ACER3: variants seen among roughly 807,000 people sequenced by gnomAD.
ACER3 encodes alkaline ceramidase 3.
ACER3 carries 16 observed loss-of-function variants against 48.9 expected under a neutral mutation model. The ratio of observed to expected loss-of-function variants is 0.33; its 90% confidence interval spans 0.22 to 0.50. The LOEUF is 0.50. ACER3 is among the 20% of genes least tolerant of loss of function. The pLI, the probability that ACER3 is intolerant of heterozygous loss-of-function variation, is 0.98. For synonymous variants in ACER3, 109 were observed against 107.8 expected, an observed-to-expected ratio of 1.01 and a Z score of -0.07; for missense variants, 227 against 326.0, an observed-to-expected ratio of 0.70 and a Z score of 2.34.
intron 1 of ACER3, among the ~76,000 whole-genome samples, chr11:76,916,239 CT>C (rs1946526511): frequency 6.6e-6 from 1 of 152,166 alleles, no homozygotes; most frequent in African/African-American, 2.4e-5. Flanking sequence ...TACATCATAA[CT>C]GAACCACATC....
At chr11:76,864,899 G>A (rs1945035468) in intron 1 of ACER3, among the ~76,000 whole-genome samples, 1 of 144,490 alleles carries the variant, frequency 6.9e-6, no homozygotes, top group Non-Finnish European at 1.5e-5. Context: ...ATGCCCAGTT[G>A]TCTTTTTTCT....
At chr11:76,936,178 CAA>C (rs888369864) in intron 2 of ACER3, among the ~76,000 whole-genome samples, 2 of 152,084 alleles carry the variant, frequency 1.3e-5, no homozygotes, top group Non-Finnish European at 2.9e-5. Context: ...TGGTGGCAGG[CAA>C]AGAGTAGATT....
At chr11:76,929,650 C>A (rs1234519797) in intron 2 of ACER3, among the ~76,000 whole-genome samples, 1 of 152,158 alleles carries the variant, frequency 6.6e-6, no homozygotes, top group Non-Finnish European at 1.5e-5. Flanking sequence ...GTACCTAATA[C>A]CTAATTTATT....
intron 1 of ACER3, among the ~76,000 whole-genome samples, chr11:76,886,301 C>A (rs1189318501): frequency 1.3e-5 from 2 of 152,132 alleles, no homozygotes; most frequent in Non-Finnish European, 2.9e-5. Context: ...GGCAAGAAGG[C>A]AAGTAATTAG....
intron 1 of ACER3, among the ~76,000 whole-genome samples, chr11:76,884,353 A>G (rs1310239944): frequency 1.3e-5 from 2 of 152,160 alleles, no homozygotes; most frequent in Admixed American, 6.5e-5. Flanking sequence ...TAGTTGTTCA[A>G]TGCCTGAAAA....
In ACER3 at chr11:77,023,212, T is replaced by C; in HGVS notation, c.*2885T>C. ...CTACAAATGAGAACCCAAATAGTAGTGTTTTGTTTGACAGAAGTAAATCAA... is the reference window on the plus strand; with the variant it reads ...CTACAAATGAGAACCCAAATAGTAGCGTTTTGTTTGACAGAAGTAAATCAA... On this transcript the variant is annotated 3_prime_UTR_variant, in exon 11 of 11. Transcript: ENST00000532485. 1 of 398,498 alleles carries C rather than the reference T, an allele frequency of 2.5e-6. No homozygotes were observed. Among genetic ancestry groups the C allele is most frequent in the Non-Finnish European group, 4.4e-6 (1 of 225,978 alleles). 24.7% of individuals were successfully genotyped at this position (398,498 alleles called of 1,614,324 possible).
intron 1 of ACER3, among the ~76,000 whole-genome samples, chr11:76,908,749 C>T (rs1307661956): frequency 2.0e-5 from 3 of 152,076 alleles, no homozygotes; most frequent in Non-Finnish European, 2.9e-5. Flanking sequence ...TGACTTTCTT[C>T]ACAGAATTAG....
chr11:76,922,075 T>C (rs1946698126), intron 1 of ACER3, among the ~76,000 whole-genome samples: 1 of 152,104 alleles, frequency 6.6e-6, no homozygotes, highest in Non-Finnish European at 1.5e-5. Context: ...CTCTGAATAC[T>C]AGTATATTGA....
chr11:76,929,557 C>G (rs1043827862), intron 2 of ACER3, among the ~76,000 whole-genome samples: 3 of 152,184 alleles, frequency 2.0e-5, no homozygotes, highest in African/African-American at 7.2e-5. Flanking sequence ...AAAGAGAATG[C>G]TTCCAGTTTT....
chr11:76,961,016 G>A lies in ACER3; in HGVS notation c.267+1985G>A, dbSNP rs141151251. Reference sequence around the variant, plus strand: ...TGCAGGATCTGAGAGCACAAGCAGAGTCGAGAGGCTGTCTAAGTGGAGGTG... The same window carrying A: ...TGCAGGATCTGAGAGCACAAGCAGAATCGAGAGGCTGTCTAAGTGGAGGTG... On this transcript the variant is annotated intron_variant, in intron 3 of 10. Coordinates refer to ENST00000532485, the MANE Select transcript of ACER3 (RefSeq NM_018367.7). Among the ~76,000 whole-genome samples the A allele has an allele frequency of 4.9e-3, 748 of 152,280 alleles. 3 individuals are homozygous for A. Among genetic ancestry groups the A allele is most frequent in the Non-Finnish European group, 8.1e-3 (551 of 68,028 alleles).
At position 76,952,328 on chromosome 11, in the gene ACER3, C is replaced by T. The variant is rs551122365; in HGVS notation, c.215-6651C>T. 1.5e-4 allele frequency among the ~76,000 whole-genome samples: 22 copies of T among 150,278 alleles called. No individual in the cohort carries two copies. In the South Asian group the frequency reaches 3.6e-3, roughly 24 times the overall value. On this transcript the variant is annotated intron_variant, in intron 2 of 10. Transcript: ENST00000532485. ...AAGCTGGAGTGCAGTGGCACAATCTCGGCTCACTGCAACCTCCGCCTCCCA... is the reference window on the plus strand; with the variant it reads ...AAGCTGGAGTGCAGTGGCACAATCTTGGCTCACTGCAACCTCCGCCTCCCA...
chr11:76,896,823 A>G (rs1198330135), intron 1 of ACER3, among the ~76,000 whole-genome samples: 1 of 152,220 alleles, frequency 6.6e-6, no homozygotes, highest in Non-Finnish European at 1.5e-5. Flanking sequence ...CTGGATTTTC[A>G]TATATGCTTT....
chr11:76,981,550 TA>T (rs1227240696), intron 4 of ACER3, among the ~76,000 whole-genome samples: 2 of 152,238 alleles, frequency 1.3e-5, no homozygotes, highest in Non-Finnish European at 2.9e-5. Context: ...TACTGACACC[TA>T]CCCTGGCCTC....
At chr11:76,965,750 G>T (rs1029939822) in intron 3 of ACER3, among the ~76,000 whole-genome samples, 3 of 151,078 alleles carry the variant, frequency 2.0e-5, no homozygotes, top group Non-Finnish European at 2.9e-5. Context: ...TTACAGACAA[G>T]CAAATGCTGA....
chr11:76,979,538 A>G (rs1948531611), intron 4 of ACER3, among the ~76,000 whole-genome samples: 1 of 152,144 alleles, frequency 6.6e-6, no homozygotes, highest in Non-Finnish European at 1.5e-5. Context: ...CTGTAGTCCC[A>G]GCTACTCGAG....
intron 1 of ACER3, 148 bp downstream of exon 1, chr11:76,861,227 G>C (rs1944930075): frequency 5.8e-6 from 4 of 688,500 alleles, no homozygotes; most frequent in East Asian, 6.8e-5. Flanking sequence ...GGGCCAGCGG[G>C]AGGCTGAGAG....
At chr11:76,933,766 T>C (rs1477938596) in intron 2 of ACER3, among the ~76,000 whole-genome samples, 7 of 152,262 alleles carry the variant, frequency 4.6e-5, no homozygotes, top group Admixed American at 4.6e-4. Flanking sequence ...ACCACCATTG[T>C]CATCATGGCC....
intron 1 of ACER3, among the ~76,000 whole-genome samples, chr11:76,889,883 T>C (rs183044142): frequency 4.6e-5 from 7 of 152,260 alleles, no homozygotes; most frequent in Non-Finnish European, 1.0e-4. Context: ...TTGTTATTTT[T>C]TCTTTCTTGG....
chr11:76,861,494 G>A (rs369549173), intron 1 of ACER3, among the ~76,000 whole-genome samples: 4 of 152,136 alleles, frequency 2.6e-5, no homozygotes, highest in African/African-American at 9.7e-5. Flanking sequence ...GCCACCACCA[G>A]AAGGGTACAG....
Sources: gnomAD v4.1 joint callset for allele counts (sites outside exome capture counted in the v4.1 genomes callset) on GRCh38, gnomAD v4.1.1 for gene constraint, MANE v1.5 for transcripts, NCBI Gene and HGNC (gene_info 2026-07-23, HGNC 2026-07-21) for gene names.